The following PRKCA variants were observed in gnomAD, a reference collection of about 807,000 sequenced individuals.
PRKCA encodes protein kinase C alpha, also known as protein kinase C alpha type.
PRKCA carries 27 observed loss-of-function variants against 87.0 expected under a neutral mutation model. The observed-to-expected ratio is 0.31, with a 90% confidence interval of 0.23 to 0.43. The LOEUF is 0.43. PRKCA is among the 20% of genes least tolerant of loss of function. PRKCA has a pLI of 1.00. For synonymous variants in PRKCA, 329 were observed against 311.1 expected, an observed-to-expected ratio of 1.06 and a Z score of -0.61; for missense variants, 518 against 852.3, an observed-to-expected ratio of 0.61 and a Z score of 4.88.
intron 2 of PRKCA, among the ~76,000 whole-genome samples, chr17:66,352,175 T>C (rs1907782025): frequency 6.6e-6 from 1 of 152,200 alleles, no homozygotes; most frequent in Admixed American, 6.5e-5. Flanking sequence ...GTCTGGAAGC[T>C]ATTTCAAGGT....
chr17:66,758,528 A>G (rs1052965316), intron 13 of PRKCA, among the ~76,000 whole-genome samples: 1 of 152,210 alleles, frequency 6.6e-6, no homozygotes, highest in African/African-American at 2.4e-5. Context: ...AGTGGCATGC[A>G]TGTGGTCTTT....
chr17:66,406,960 C>T (rs1232130621), intron 2 of PRKCA, among the ~76,000 whole-genome samples: 1 of 152,048 alleles, frequency 6.6e-6, no homozygotes, highest in Non-Finnish European at 1.5e-5. Flanking sequence ...TTTGAGAAAA[C>T]GATTGCACTT....
At chr17:66,682,334 G>A (rs1325624408) in intron 5 of PRKCA, among the ~76,000 whole-genome samples, 2 of 152,234 alleles carry the variant, frequency 1.3e-5, no homozygotes, top group African/African-American at 4.8e-5. Context: ...CCAAAAAAAT[G>A]AGAATATAAT....
chr17:66,649,566 C>T (rs570898547), intron 5 of PRKCA, among the ~76,000 whole-genome samples: 15 of 152,298 alleles, frequency 9.8e-5, no homozygotes, highest in East Asian at 1.9e-4. Flanking sequence ...TAGTTGGGGC[C>T]GCAGCCCGGG....
At chr17:66,425,805 G>A (rs1567822806) in intron 2 of PRKCA, among the ~76,000 whole-genome samples, 3 of 152,162 alleles carry the variant, frequency 2.0e-5, no homozygotes, top group South Asian at 2.1e-4. Flanking sequence ...AATGCAAACG[G>A]CATTAAATTG....
At chr17:66,645,800 C>T (rs1021251580) in intron 5 of PRKCA, among the ~76,000 whole-genome samples, 3 of 151,978 alleles carry the variant, frequency 2.0e-5, no homozygotes, top group Non-Finnish European at 2.9e-5. Context: ...CGTGTACTCT[C>T]CTCCCGGTGA....
intron 3 of PRKCA, among the ~76,000 whole-genome samples, chr17:66,523,819 T>G (rs1967251944): frequency 6.6e-6 from 1 of 152,194 alleles, no homozygotes; most frequent in Non-Finnish European, 1.5e-5. Context: ...GCAGCAACTT[T>G]CAGAGCGAGC....
chr17:66,761,241 G>A (rs1342119093), intron 13 of PRKCA, among the ~76,000 whole-genome samples: 2 of 151,400 alleles, frequency 1.3e-5, no homozygotes, highest in African/African-American at 4.9e-5. Flanking sequence ...GTGGTGGCGT[G>A]TGCCTGTGGT....
chr17:66,576,627 A>T (rs1228825195), intron 3 of PRKCA, among the ~76,000 whole-genome samples: 1 of 152,214 alleles, frequency 6.6e-6, no homozygotes, highest in Non-Finnish European at 1.5e-5. Context: ...ATACCCATGT[A>T]CGACTTGACC....
intron 3 of PRKCA, among the ~76,000 whole-genome samples, chr17:66,584,302 A>C (rs550702039): frequency 6.6e-6 from 1 of 151,888 alleles, no homozygotes; most frequent in African/African-American, 2.4e-5. Context: ...GCTCACTGCA[A>C]CCTCCGCCTC....
At chr17:66,640,408 A>C (rs149000713) in intron 3 of PRKCA, among the ~76,000 whole-genome samples, 1 of 152,214 alleles carries the variant, frequency 6.6e-6, no homozygotes, top group Non-Finnish European at 1.5e-5. Context: ...TTGGTGCTCT[A>C]TGTGGTATGC....
At chr17:66,322,992 T>C (rs931891234) in intron 2 of PRKCA, among the ~76,000 whole-genome samples, 2 of 152,234 alleles carry the variant, frequency 1.3e-5, no homozygotes, top group African/African-American at 4.8e-5. Context: ...TTATGACTTT[T>C]AGATTCATGG....
intron 2 of PRKCA, among the ~76,000 whole-genome samples, chr17:66,417,143 A>G (rs1251288499): frequency 1.3e-5 from 2 of 150,840 alleles, no homozygotes; most frequent in African/African-American, 2.4e-5. Flanking sequence ...CAAGTGATCC[A>G]TTTGCCTCGG....
chr17:66,354,226 C>T (rs977290892), intron 2 of PRKCA, among the ~76,000 whole-genome samples: 2 of 152,258 alleles, frequency 1.3e-5, no homozygotes, highest in East Asian at 3.9e-4. Flanking sequence ...AAGATAATTC[C>T]AACCCAGCAC....
intron 2 of PRKCA, among the ~76,000 whole-genome samples, chr17:66,453,025 C>T (rs901114237): frequency 4.6e-5 from 7 of 152,230 alleles, no homozygotes; most frequent in African/African-American, 1.4e-4. Context: ...CAGTTGGTGG[C>T]ATTTAGGAGT....
chr17:66,439,641 A>T (rs1220341214), intron 2 of PRKCA, among the ~76,000 whole-genome samples: 3 of 152,096 alleles, frequency 2.0e-5, no homozygotes, highest in Non-Finnish European at 4.4e-5. Flanking sequence ...ACAGTTTGAG[A>T]TCCTTCACGT....
chr17:66,414,302 C>A (rs576635648), intron 2 of PRKCA, among the ~76,000 whole-genome samples: 2 of 152,074 alleles, frequency 1.3e-5, no homozygotes, highest in Non-Finnish European at 2.9e-5. Context: ...GAGATCTGGT[C>A]GTTTAAAAGT....
At chr17:66,759,292 C>T (rs1173807110) in intron 13 of PRKCA, among the ~76,000 whole-genome samples, 2 of 151,376 alleles carry the variant, frequency 1.3e-5, no homozygotes, top group Non-Finnish European at 2.9e-5. Context: ...GGAGGCAGAG[C>T]TTGCAGTGAG....
intron 3 of PRKCA, among the ~76,000 whole-genome samples, chr17:66,549,114 T>C (rs1968247596): frequency 6.6e-6 from 1 of 151,356 alleles, no homozygotes; most frequent in Non-Finnish European, 1.5e-5. Flanking sequence ...CCACTTTCTG[T>C]AATTTTAAGC....
Sources: gnomAD v4.1 joint callset for allele counts (sites outside exome capture counted in the v4.1 genomes callset) on GRCh38, gnomAD v4.1.1 for gene constraint, MANE v1.5 for transcripts, NCBI Gene and HGNC (gene_info 2026-07-23, HGNC 2026-07-21) for gene names.